The following WWOX variants were observed in gnomAD, a reference collection of about 807,000 sequenced individuals.
WWOX encodes WW domain-containing oxidoreductase.
In WWOX, 69 loss-of-function variants were observed where a neutral mutation model predicts 46.2. That is an observed-to-expected ratio of 1.49 (90% CI 1.23 to 1.82). The LOEUF is 1.82. WWOX is among the 40% of genes most tolerant of loss of function. WWOX has a pLI of 0.00. For missense variants in WWOX, 919 were observed against 542.6 expected (o/e 1.69, Z -6.89); for synonymous variants, 359 against 202.6 (o/e 1.77, Z -6.56).
intron 8 of WWOX, among the ~76,000 whole-genome samples, chr16:78,670,446 G>C (rs769286164): frequency 1.3e-5 from 2 of 151,968 alleles, no homozygotes; most frequent in Admixed American, 6.6e-5. Context: ...GAACTATTAG[G>C]GCTGATCTCT....
At chr16:78,670,742 G>A (rs539698748) in intron 8 of WWOX, among the ~76,000 whole-genome samples, 1 of 152,136 alleles carries the variant, frequency 6.6e-6, no homozygotes, top group East Asian at 1.9e-4. Flanking sequence ...AAACTGTTGG[G>A]CTGAAGCAGT....
At chr16:78,257,639 C>T (rs759678779) in intron 5 of WWOX, among the ~76,000 whole-genome samples, 6 of 152,080 alleles carry the variant, frequency 3.9e-5, no homozygotes, top group Non-Finnish European at 7.4e-5. Context: ...TGATGTCTAC[C>T]GCAGCGGTTT....
intron 8 of WWOX, among the ~76,000 whole-genome samples, chr16:78,980,564 G>A (rs1488163755): frequency 6.6e-6 from 1 of 152,084 alleles, no homozygotes; most frequent in Non-Finnish European, 1.5e-5. Flanking sequence ...CTTTTACGAA[G>A]CGTTTTCTTT....
Position 79,121,149 on chromosome 16 carries a change from G to C in WWOX, c.1057-90459G>C, listed in dbSNP as rs937412851. Among the ~76,000 whole-genome samples, 7 of 152,100 alleles carry C rather than the reference G, an allele frequency of 4.6e-5. No individual in the cohort carries two copies. The East Asian group carries it at 1.4e-3, about 29-fold the overall frequency. On this transcript the variant is annotated intron_variant, in intron 8 of 8. Transcript: ENST00000566780. ...ATCCAGAACTATCGTATCAAAAAAT[G>C]TTTACTCACACCTGCGTATACCCTG...
Position 78,173,106 on chromosome 16 carries a change from C to T in WWOX, c.516+8817C>T, listed in dbSNP as rs375720813. ...CAGCCAGTCTCAGGCTGGGGCAGCA[C>T]GCCCTGCGATAGGTTAAGGTTTATT... On this transcript the variant is annotated intron_variant, in intron 5 of 8. Transcript: ENST00000566780. Among the ~76,000 whole-genome samples the T allele has an allele frequency of 4.6e-5, 7 of 152,280 alleles. No homozygotes were observed. The East Asian group carries it at 9.7e-4, about 21-fold the overall frequency.
intron 8 of WWOX, among the ~76,000 whole-genome samples, chr16:78,449,295 A>T (rs945767545): frequency 6.6e-6 from 1 of 152,206 alleles, no homozygotes; most frequent in Admixed American, 6.5e-5. Flanking sequence ...TTTGTAATGT[A>T]ACCACGGAAG....
Position 79,194,702 on chromosome 16 carries a change from A to G in WWOX, c.1057-16906A>G, listed in dbSNP as rs142758052. On this transcript the variant is annotated intron_variant, in intron 8 of 8. Transcript: ENST00000566780. ...ACAGCCCCCGCTCTGCTGAGTCAGGAGGTGCTACTTTCTCCATCTGCTTTC... is the reference window on the plus strand; with the variant it reads ...ACAGCCCCCGCTCTGCTGAGTCAGGGGGTGCTACTTTCTCCATCTGCTTTC... Among the ~76,000 whole-genome samples the G allele has an allele frequency of 1.2e-3, 187 of 152,230 alleles. 1 individual carries two copies. Among genetic ancestry groups the G allele is most frequent in the African/African-American group, 4.3e-3 (178 of 41,554 alleles).
intron 5 of WWOX, among the ~76,000 whole-genome samples, chr16:78,335,580 A>G (rs992353744): frequency 6.6e-6 from 1 of 152,192 alleles, no homozygotes; most frequent in African/African-American, 2.4e-5. Flanking sequence ...CATTTGACCC[A>G]GCAATCCCAT....
intron 5 of WWOX, among the ~76,000 whole-genome samples, chr16:78,223,115 G>A (rs1037407324): frequency 2.6e-5 from 4 of 152,170 alleles, no homozygotes; most frequent in African/African-American, 9.7e-5. Context: ...GCTGCTTGTA[G>A]GCTGTGACTG....
chr16:78,593,860 C>G (rs868824566), intron 8 of WWOX, among the ~76,000 whole-genome samples: 1 of 152,254 alleles, frequency 6.6e-6, no homozygotes, highest in South Asian at 2.1e-4. Flanking sequence ...TCAGCTGGGC[C>G]ATACATTTGT....
chr16:78,844,533 A>T (rs1201954847), intron 8 of WWOX, among the ~76,000 whole-genome samples: 1 of 152,192 alleles, frequency 6.6e-6, no homozygotes, highest in Non-Finnish European at 1.5e-5. Flanking sequence ...ATCAGGGAAG[A>T]TAAACAATGG....
intron 8 of WWOX, among the ~76,000 whole-genome samples, chr16:78,528,036 T>C (rs1348953107): frequency 7.7e-6 from 1 of 129,298 alleles, no homozygotes; most frequent in Admixed American, 8.9e-5. Flanking sequence ...TCTTGCTCTG[T>C]CGCCCAGGCT....
chr16:78,575,747 A>C (rs1490889340), intron 8 of WWOX, among the ~76,000 whole-genome samples: 1 of 152,168 alleles, frequency 6.6e-6, no homozygotes, highest in Non-Finnish European at 1.5e-5. Context: ...AATTTCATTA[A>C]ATCACAACTC....
intron 5 of WWOX, among the ~76,000 whole-genome samples, chr16:78,386,496 T>A (rs957837817): frequency 2.0e-5 from 3 of 152,186 alleles, no homozygotes; most frequent in Non-Finnish European, 4.4e-5. Context: ...ATTGCATCTT[T>A]CCATGATCGA....
intron 5 of WWOX, among the ~76,000 whole-genome samples, chr16:78,246,468 TCATAAAACAGTTAA>T (rs1204998678): frequency 6.6e-6 from 1 of 152,192 alleles, no homozygotes; most frequent in Non-Finnish European, 1.5e-5. Flanking sequence ...GTTGGTCCCC[TCATAAAACAGTTAA>T]CAGGAAGCCC....
intron 8 of WWOX, among the ~76,000 whole-genome samples, chr16:78,962,789 C>T (rs1017242285): frequency 6.6e-6 from 1 of 152,136 alleles, no homozygotes; most frequent in Non-Finnish European, 1.5e-5. Context: ...CTCATCTGTT[C>T]CCCTTTCTAA....
At chr16:78,580,283 A>G (rs1281810343) in intron 8 of WWOX, among the ~76,000 whole-genome samples, 3 of 152,122 alleles carry the variant, frequency 2.0e-5, no homozygotes, top group Admixed American at 2.0e-4. Flanking sequence ...TATGTTGCCC[A>G]GGCTGACCTC....
At chr16:78,175,505 C>G (rs1296911761) in intron 5 of WWOX, among the ~76,000 whole-genome samples, 2 of 152,298 alleles carry the variant, frequency 1.3e-5, no homozygotes, top group East Asian at 1.9e-4. Context: ...GTGGCTTCTT[C>G]TTGCTCACTC....
chr16:78,403,974 C>T (rs1028062477), intron 6 of WWOX, among the ~76,000 whole-genome samples: 1 of 152,126 alleles, frequency 6.6e-6, no homozygotes, highest in Non-Finnish European at 1.5e-5. Flanking sequence ...ATTGTATTAT[C>T]TTAACATATA....
Sources: allele counts gnomAD v4.1 joint callset (sites outside exome capture counted in the v4.1 genomes callset), GRCh38; gene constraint gnomAD v4.1.1; transcripts MANE v1.5; gene names NCBI Gene and HGNC (gene_info 2026-07-23, HGNC 2026-07-21).